Variants in PAPPA2 observed in about 807,000 individuals in gnomAD.
PAPPA2 encodes pappalysin-2.
Under a neutral mutation model 176.4 loss-of-function variants are expected in PAPPA2, and 86 were observed. The ratio of observed to expected loss-of-function variants is 0.49; its 90% CI spans 0.41 to 0.58. PAPPA2 has a LOEUF of 0.58. Among genes scored for constraint, PAPPA2 ranks in the 20% least tolerant of loss-of-function variants. The pLI is 0.00. For synonymous variants in PAPPA2, 809 were observed against 852.2 expected (o/e 0.95, Z 0.88); for missense variants, 2,073 against 2,256.9 (o/e 0.92, Z 1.65).
At position 176,522,435 on chromosome 1, in the gene PAPPA2, A is replaced by G. The variant is rs115701734; in HGVS notation, c.-916-32972A>G. On this transcript the variant is annotated intron_variant, in intron 1 of 22. Transcript: ENST00000367662. ...GAAAAAACTCCTTTCATTTTCTCAT[A>G]TAGAACAGCTATCTGCTTATTATGC... 2.0e-3 allele frequency among the ~76,000 whole-genome samples: 304 copies of G among 152,254 alleles called. 1 individual carries two copies. Among genetic ancestry groups the G allele is most frequent in the African/African-American group, 7.1e-3 (294 of 41,562 alleles).
intron 3 of PAPPA2, among the ~76,000 whole-genome samples, chr1:176,630,786 T>C (rs911368644): frequency 1.3e-5 from 2 of 152,106 alleles, no homozygotes; most frequent in African/African-American, 2.4e-5. Flanking sequence ...TCATAAAGAA[T>C]TGATGAGAAG....
Position 176,765,769 on chromosome 1 carries a change from T to A in PAPPA2, c.4255T>A (p.Cys1419Ser). ...CTSIGPGLMK[C>S]AITCQRGFAL... ...CTCTATAGGCCCAGGTCTCATGAAG[T>A]GTGCTATCACTTGTCAAAGGGGATT... Residue 1419 changes from cysteine (C) to serine (S), a missense_variant, in exon 15 of 23, where the codon TGT becomes AGT. By Grantham distance (112) the Cys-to-Ser change is moderately radical. Around this residue, in one of 4 missense-constraint regions of PAPPA2, gnomAD observed 846 missense variants for 857.9 expected, o/e 0.99. Coordinates refer to ENST00000367662, the MANE Select transcript of PAPPA2 (RefSeq NM_020318.3). 1 of 1,614,130 alleles carries A rather than the reference T, an allele frequency of 6.2e-7. No homozygotes were observed. Among genetic ancestry groups the A allele is most frequent in the Middle Eastern group, 1.6e-4 (1 of 6,062 alleles).
At chr1:176,524,084 C>T (rs1316223854) in intron 1 of PAPPA2, among the ~76,000 whole-genome samples, 1 of 152,238 alleles carries the variant, frequency 6.6e-6, no homozygotes, top group Non-Finnish European at 1.5e-5. Flanking sequence ...TTTCAAGCTG[C>T]TCTAAAACTT....
At chr1:176,722,185 T>G (rs943175406) in intron 12 of PAPPA2, among the ~76,000 whole-genome samples, 3 of 152,150 alleles carry the variant, frequency 2.0e-5, no homozygotes, top group African/African-American at 7.2e-5. Flanking sequence ...ACCAATATCT[T>G]GATGGAGGGG....
intron 14 of PAPPA2, among the ~76,000 whole-genome samples, chr1:176,760,315 T>C (rs768561543): frequency 1.7e-4 from 26 of 152,256 alleles, no homozygotes; most frequent in Non-Finnish European, 3.1e-4. Context: ...TTGAGTTTAA[T>C]ATAGTAAAAC....
chr1:176,833,763 C>T lies in PAPPA2; in HGVS notation c.5203-6410C>T, dbSNP rs548792780. 8.5e-5 allele frequency among the ~76,000 whole-genome samples: 13 copies of T among 152,144 alleles called. No homozygotes were observed. In the South Asian group the frequency reaches 2.7e-3, roughly 32 times the overall value. On this transcript the variant is annotated intron_variant, in intron 21 of 22. Transcript: ENST00000367662. ...ATGTATGGATGTGTACCATGTTCTT[C>T]ACTTAGAAGATGATCTACATATATA... is the stretch of plus-strand genomic sequence containing the variant.
chr1:176,690,007 T>A, intron 4 of PAPPA2, 130 bp from the exon 5 acceptor site: 1 of 810,296 alleles, frequency 1.2e-6, no homozygotes, highest in Non-Finnish European at 2.0e-6. Flanking sequence ...TGACTGTATG[T>A]TACCAGAAGT....
intron 20 of PAPPA2, among the ~76,000 whole-genome samples, chr1:176,798,232 G>T (rs1033489965): frequency 1.3e-5 from 2 of 152,130 alleles, no homozygotes; most frequent in South Asian, 4.1e-4. Flanking sequence ...TATAAGCTTT[G>T]TTTGTTATAG....
At chr1:176,591,390 T>C (rs1293566110) in intron 2 of PAPPA2, among the ~76,000 whole-genome samples, 2 of 152,140 alleles carry the variant, frequency 1.3e-5, no homozygotes, top group Non-Finnish European at 2.9e-5. Context: ...CAGGTCAGTG[T>C]TGGGAAGTTG....
chr1:176,789,858 A>G lies in PAPPA2; in HGVS notation c.4765A>G (p.Ser1589Gly). The G allele has an allele frequency of 6.2e-7, 1 of 1,614,132 alleles. No homozygotes were observed. Among genetic ancestry groups the G allele is most frequent in the East Asian group, 2.2e-5 (1 of 44,844 alleles). The change falls in exon 18 of 23, where the codon AGC becomes GGC. Residue 1589 changes from serine (S) to glycine (G), a missense_variant. Around this residue, in one of 4 missense-constraint regions of PAPPA2, gnomAD observed 846 missense variants for 857.9 expected, o/e 0.99. Coordinates refer to ENST00000367662, the MANE Select transcript of PAPPA2 (RefSeq NM_020318.3). ...GGAAGGTGGAATCTGGGAGCAAGGC[A>G]GCTGCATTCCTGTGGTGTGTGAGCC... is the stretch of plus-strand genomic sequence containing the variant. ...CLEGGIWEQGSCIPVVCEPPP... is the reference protein window; with the variant it reads ...CLEGGIWEQGGCIPVVCEPPP...
At chr1:176,729,683 C>T (rs550122919) in intron 12 of PAPPA2, among the ~76,000 whole-genome samples, 24 of 152,024 alleles carry the variant, frequency 1.6e-4, no homozygotes, top group Non-Finnish European at 2.9e-4. Flanking sequence ...AACACTTACT[C>T]GTTATTTGTG....
At chr1:176,616,621 G>T (rs538839486) in intron 3 of PAPPA2, 1 of 1,569,402 alleles carries the variant, frequency 6.4e-7, no homozygotes, top group Non-Finnish European at 8.7e-7. Flanking sequence ...TTCTCCACAA[G>T]AGTAGTGTCA....
intron 2 of PAPPA2, among the ~76,000 whole-genome samples, chr1:176,588,167 G>A (rs1052315604): frequency 6.6e-6 from 1 of 152,168 alleles, no homozygotes; most frequent in African/African-American, 2.4e-5. Flanking sequence ...TATTCTCTTT[G>A]TAGTGATTGT....
At chr1:176,680,024 C>T (rs1659503647) in intron 4 of PAPPA2, among the ~76,000 whole-genome samples, 1 of 152,042 alleles carries the variant, frequency 6.6e-6, no homozygotes, top group East Asian at 1.9e-4. Flanking sequence ...AAGCATATGA[C>T]TCTGAGAAAA....
At chr1:176,831,925 T>C (rs1667094184) in intron 21 of PAPPA2, among the ~76,000 whole-genome samples, 1 of 152,168 alleles carries the variant, frequency 6.6e-6, no homozygotes, top group African/African-American at 2.4e-5. Flanking sequence ...CTGTTTCCCT[T>C]GTCACCTGAC....
At chr1:176,482,349 T>C (rs1473215086) in intron 1 of PAPPA2, among the ~76,000 whole-genome samples, 1 of 152,240 alleles carries the variant, frequency 6.6e-6, no homozygotes, top group East Asian at 1.9e-4. Context: ...ACTGTTTATT[T>C]AGAGTTAGGA....
chr1:176,516,672 G>A (rs1272707407), intron 1 of PAPPA2, among the ~76,000 whole-genome samples: 1 of 152,136 alleles, frequency 6.6e-6, no homozygotes, highest in African/African-American at 2.4e-5. Flanking sequence ...CATCAACAAG[G>A]CACCATCTTG....
intron 1 of PAPPA2, among the ~76,000 whole-genome samples, chr1:176,481,294 A>ACACACACT: frequency 7.8e-6 from 1 of 128,422 alleles, no homozygotes; most frequent in East Asian, 2.0e-4. Context: ...ACACACACAC[A>ACACACACT]CACACAGACA....
At chr1:176,707,009 A>G (rs891765377) in intron 10 of PAPPA2, among the ~76,000 whole-genome samples, 1 of 152,148 alleles carries the variant, frequency 6.6e-6, no homozygotes. Flanking sequence ...TTGACTCTAG[A>G]GTATAAGGTG....
Sources: allele counts gnomAD v4.1 joint callset (sites outside exome capture counted in the v4.1 genomes callset), GRCh38; gene constraint gnomAD v4.1.1; regional missense constraint gnomAD v4.1.1; transcripts MANE v1.5; gene names NCBI Gene and HGNC (gene_info 2026-07-23, HGNC 2026-07-21).